The following TAS1R2 variants were observed in gnomAD, a reference collection of about 807,000 sequenced individuals.
TAS1R2 encodes taste 1 receptor member 2.
Under a neutral mutation model 49.3 loss-of-function variants are expected in TAS1R2, and 47 were observed. The ratio of observed to expected loss-of-function variants is 0.95; its 90% CI spans 0.75 to 1.22. TAS1R2 has a LOEUF of 1.22. Ranked by LOEUF, TAS1R2 falls within the 50% of genes most tolerant of loss-of-function variation. The pLI, the probability that TAS1R2 is intolerant of heterozygous loss-of-function variation, is 0.00. For synonymous variants in TAS1R2, 479 were observed against 467.9 expected, an observed-to-expected ratio of 1.02 and a Z score of -0.31; for missense variants, 1,155 against 1,122.1, an observed-to-expected ratio of 1.03 and a Z score of -0.42.
chr1:18,857,241 G>A, intron 2 of TAS1R2, 90 bp downstream of exon 2: 2 of 1,402,184 alleles, frequency 1.4e-6, no homozygotes, highest in South Asian at 2.8e-5. Context: ...CACCTCCCAT[G>A]ATTGATGGAG....
chr1:18,854,780 G>A lies in TAS1R2; in HGVS notation c.690C>T (p.Arg230=), dbSNP rs753805144. 75 of 1,606,676 alleles carry A rather than the reference G, an allele frequency of 4.7e-5. No homozygotes were observed. The South Asian group carries it at 5.0e-4, about 11-fold the overall frequency. The change falls in exon 3 of 6, where the codon CGC becomes CGT. Residue 230 remains arginine, a synonymous_variant. Coordinates refer to ENST00000375371, the Ensembl canonical transcript of TAS1R2. This position sits in a 1 kb window ranked among gnomAD's most constrained non-coding sequence, Gnocchi z 4.9. ...TCTCCTGGAAGGCGATGCAGATGTCGCGCCGGGCCACGCGCTCGCCAAGCA... is the reference window on the plus strand; with the variant it reads ...TCTCCTGGAAGGCGATGCAGATGTCACGCCGGGCCACGCGCTCGCCAAGCA...
intron 3 of TAS1R2, among the ~76,000 whole-genome samples, chr1:18,850,762 T>C (rs1569669641): frequency 6.6e-6 from 1 of 152,242 alleles, no homozygotes; most frequent in South Asian, 2.1e-4. Flanking sequence ...CTTGGGCACC[T>C]TGGGGTTCCC....
At chr1:18,851,566 T>G (rs1267183884) in intron 3 of TAS1R2, among the ~76,000 whole-genome samples, 1 of 152,080 alleles carries the variant, frequency 6.6e-6, no homozygotes, top group East Asian at 1.9e-4. Flanking sequence ...CCTGACGTCA[T>G]GATTCATCTG....
At chr1:18,841,688 G>C in intron 5 of TAS1R2, 41 bp downstream of exon 5, 2 of 1,545,802 alleles carry the variant, frequency 1.3e-6, no homozygotes, top group Non-Finnish European at 1.7e-6. Context: ...GGCAGGGGCA[G>C]GGCAGGGGCA....
In TAS1R2 at chr1:18,857,298, C is replaced by T. The variant is rs556497065; in HGVS notation, c.483+33G>A. 111 of 1,599,904 alleles carry T rather than the reference C, an allele frequency of 6.9e-5. 1 individual carries two copies. In the South Asian group the frequency reaches 9.2e-4, roughly 13 times the overall value. The stretch of plus-strand genomic sequence containing the variant: ...AGACAGCCATTCCTCTGCCCCCCTC[C>T]CCAGGTCCTTCTCCAGGGCCCAGGG... On this transcript the variant is annotated intron_variant, in intron 2 of 5. Transcript: ENST00000375371.
chr1:18,849,701 A>G, intron 3 of TAS1R2, 151 bp from the exon 4 acceptor site: 1 of 868,152 alleles, frequency 1.2e-6, no homozygotes. Flanking sequence ...GTGGCAATTT[A>G]GGAGTCAGTG....
Position 18,841,798 on chromosome 1 carries a change from C to T in TAS1R2, c.1522G>A (p.Val508Met), listed in dbSNP as rs746759477. Residue 508 changes from valine to methionine, a missense_variant, in exon 5 of 6, where the codon GTG becomes ATG. By Grantham distance (21) the Val-to-Met change is conservative. Transcript: ENST00000375371. ...TCGAAGCAGCAGACGTGGATGCCCA[C>T]AGGCTTCTTCTTTTGCCCTGACTGG... is the stretch of plus-strand genomic sequence containing the variant. 1.6e-5 allele frequency: 26 copies of T among 1,613,706 alleles called. No individual in the cohort carries two copies. In the Middle Eastern group the frequency reaches 8.2e-4, roughly 51 times the overall value.
exon 2 of TAS1R2, chr1:18,857,445 G>A: frequency 6.2e-7 from 1 of 1,614,212 alleles, no homozygotes; most frequent in Non-Finnish European, 8.5e-7. Context: ...CCTCTTGGAT[G>A]GGAAGGAGGT....
chr1:18,840,073 C>A, exon 6 of TAS1R2: 1 of 1,614,232 alleles, frequency 6.2e-7, no homozygotes, highest in Non-Finnish European at 8.5e-7. Flanking sequence ...TGATAAATGC[C>A]ATAGAGACGT....
At chr1:18,859,528 T>G (rs751210324) in exon 1 of TAS1R2, 1 of 1,613,964 alleles carries the variant, frequency 6.2e-7, no homozygotes, top group African/African-American at 1.3e-5. Flanking sequence ...ATGCCCTTCA[T>G]GTTGGCATGG....
exon 6 of TAS1R2, chr1:18,839,774 G>C: frequency 6.2e-7 from 1 of 1,614,238 alleles, no homozygotes; most frequent in South Asian, 1.1e-5. Context: ...CCCGCTGTAG[G>C]CAGACATGAA....
intron 1 of TAS1R2, among the ~76,000 whole-genome samples, chr1:18,859,203 G>A (rs1934196046): frequency 1.3e-5 from 2 of 152,292 alleles, no homozygotes; most frequent in African/African-American, 2.4e-5. Context: ...AGCCCTCTAG[G>A]CTCAAACATT....
intron 5 of TAS1R2, 139 bp downstream of exon 5, chr1:18,841,590 G>T (rs748931673): frequency 1.0e-5 from 13 of 1,271,346 alleles, no homozygotes; most frequent in Non-Finnish European, 1.1e-5. Context: ...AATCAGATCT[G>T]GTCCCTGGCC....
intron 3 of TAS1R2, among the ~76,000 whole-genome samples, chr1:18,851,355 T>G (rs1245106110): frequency 6.6e-6 from 1 of 151,590 alleles, no homozygotes; most frequent in African/African-American, 2.4e-5. Context: ...TAAGACGGAG[T>G]CTCACTCTGT....
At chr1:18,851,749 C>A (rs1934030828) in intron 3 of TAS1R2, among the ~76,000 whole-genome samples, 1 of 152,172 alleles carries the variant, frequency 6.6e-6, no homozygotes, top group Non-Finnish European at 1.5e-5. Context: ...CCAGTGTCAT[C>A]TCCAACTCTT....
At chr1:18,843,056 A>G (rs1933855891) in intron 4 of TAS1R2, among the ~76,000 whole-genome samples, 1 of 152,264 alleles carries the variant, frequency 6.6e-6, no homozygotes, top group Non-Finnish European at 1.5e-5. Flanking sequence ...TTTAAAAAGA[A>G]GAAAGATGTT....
chr1:18,839,831 G>A (rs776458275), exon 6 of TAS1R2: 47 of 1,614,154 alleles, frequency 2.9e-5, no homozygotes, highest in Non-Finnish European at 3.6e-5. Context: ...CATGCTGAGG[G>A]TGATGAACTT....
intron 1 of TAS1R2, chr1:18,858,361 T>G (rs1934179249): frequency 1.3e-5 from 2 of 150,696 alleles, no homozygotes; most frequent in African/African-American, 4.9e-5. Flanking sequence ...ATCACTACCA[T>G]CGCCATCATC....
At chr1:18,840,672 T>C (rs1933808146) in intron 5 of TAS1R2, 145 bp from the exon 6 acceptor site, 2 of 762,368 alleles carry the variant, frequency 2.6e-6, no homozygotes, top group Non-Finnish European at 4.3e-6. Context: ...TCCTCAAGTC[T>C]CATGTGCATT....
Sources: gnomAD v4.1 joint callset for allele counts (sites outside exome capture counted in the v4.1 genomes callset) on GRCh38, gnomAD v4.1.1 for gene constraint, Gnocchi (gnomAD v3.1) non-coding constraint, MANE v1.5 for transcripts, NCBI Gene and HGNC (gene_info 2026-07-23, HGNC 2026-07-21) for gene names.